Variants in LRMDA observed in about 807,000 individuals in gnomAD.
LRMDA encodes leucine-rich melanocyte differentiation-associated protein.
In LRMDA, 18 loss-of-function variants were observed where a neutral mutation model predicts 29.8. The observed-to-expected ratio is 0.60, with a 90% CI of 0.42 to 0.90. LRMDA has a LOEUF of 0.90. Among genes scored for constraint, LRMDA ranks in the 40% least tolerant of loss-of-function variants. LRMDA has a pLI of 0.00. For synonymous variants in LRMDA, 125 were observed against 109.4 expected, an observed-to-expected ratio of 1.14 and a Z score of -0.89; for missense variants, 273 against 273.9, an observed-to-expected ratio of 1.00 and a Z score of 0.02.
At chr10:76,261,512 CA>C (rs1839943810) in intron 5 of LRMDA, among the ~76,000 whole-genome samples, 3 of 152,000 alleles carry the variant, frequency 2.0e-5, no homozygotes, top group Admixed American at 2.0e-4. Context: ...CTAGTTGTTA[CA>C]AAATGAACAG....
intron 6 of LRMDA, among the ~76,000 whole-genome samples, chr10:76,327,714 G>A (rs1233536127): frequency 6.6e-6 from 1 of 152,166 alleles, no homozygotes; most frequent in African/African-American, 2.4e-5. Context: ...TAACTTGATT[G>A]CATGTGAGAA....
At chr10:76,447,970 G>A (rs529496789) in intron 6 of LRMDA, among the ~76,000 whole-genome samples, 2 of 152,236 alleles carry the variant, frequency 1.3e-5, no homozygotes, top group Admixed American at 1.3e-4. Flanking sequence ...ATTGCTTTTT[G>A]TGGTGTAGCA....
chr10:76,434,501 A>C (rs1214946986), intron 6 of LRMDA, among the ~76,000 whole-genome samples: 1 of 152,162 alleles, frequency 6.6e-6, no homozygotes, highest in East Asian at 1.9e-4. Context: ...AGAATGTGTC[A>C]CAAACTGGAT....
At position 76,014,094 on chromosome 10, in the gene LRMDA, T is replaced by TAA. The variant is rs5786208; in HGVS notation, c.132-21904_132-21903dup. Among the ~76,000 whole-genome samples, 105 of 105,170 alleles carry TAA rather than the reference T, an allele frequency of 1.0e-3. 1 individual carries two copies. Among genetic ancestry groups the TAA allele is most frequent in the African/African-American group, 3.5e-3 (96 of 27,192 alleles). The allele number at this position is 105,170 out of a possible 152,430, so 69.0% of individuals were successfully genotyped here. A position where few individuals can be genotyped will look rare whatever the true frequency, so the allele number is the denominator to read the frequency against. Reference sequence around the variant, plus strand: ...CCCAATATGGTCTGCTGTTTCTGTTTAAAAAAAAAAAGTATATATATATAT... The same window carrying TAA: ...CCCAATATGGTCTGCTGTTTCTGTTTAAAAAAAAAAAAAGTATATATATATAT... On this transcript the variant is annotated intron_variant, in intron 2 of 6. Coordinates refer to ENST00000611255, the MANE Select transcript of LRMDA (RefSeq NM_001305581.2).
chr10:76,040,523 T>C (rs911071887), intron 3 of LRMDA, among the ~76,000 whole-genome samples: 2 of 152,060 alleles, frequency 1.3e-5, no homozygotes, highest in African/African-American at 2.4e-5. Flanking sequence ...ACTGGCCAGG[T>C]AGTCACTGGC....
At chr10:75,442,827 G>T (rs190740930) in intron 2 of LRMDA, among the ~76,000 whole-genome samples, 2 of 151,918 alleles carry the variant, frequency 1.3e-5, no homozygotes, top group East Asian at 1.9e-4. Context: ...ACTGTTGATT[G>T]CTTTAGGTCA....
intron 2 of LRMDA, among the ~76,000 whole-genome samples, chr10:75,726,449 G>T (rs1449664462): frequency 6.6e-6 from 1 of 152,186 alleles, no homozygotes; most frequent in Non-Finnish European, 1.5e-5. Flanking sequence ...GATTATTGTT[G>T]ACTTTATGGT....
At position 75,593,095 on chromosome 10, in the gene LRMDA, C is replaced by A. The variant is rs575175048; in HGVS notation, c.131+154601C>A. Among the ~76,000 whole-genome samples, 14 of 152,246 alleles carry A rather than the reference C, an allele frequency of 9.2e-5. No homozygotes were observed. The East Asian group carries it at 9.7e-4, about 10-fold the overall frequency. On this transcript the variant is annotated intron_variant, in intron 2 of 6. Coordinates refer to ENST00000611255, the MANE Select transcript of LRMDA (RefSeq NM_001305581.2). ...TGTCAAAAAACGGAATGATGTCATG[C>A]GGAAAAGAGTCAACCTGGGGGCAGC...
chr10:75,626,199 G>A (rs969874703), intron 2 of LRMDA, among the ~76,000 whole-genome samples: 4 of 151,940 alleles, frequency 2.6e-5, no homozygotes, highest in Admixed American at 6.6e-5. Context: ...CCACCTACCC[G>A]TGGCACAGAC....
intron 2 of LRMDA, among the ~76,000 whole-genome samples, chr10:75,507,085 G>A (rs1281624618): frequency 6.6e-6 from 1 of 151,672 alleles, no homozygotes; most frequent in Non-Finnish European, 1.5e-5. Flanking sequence ...TTGCTCAGCA[G>A]TGTACAAGCC....
At chr10:75,709,785 T>C (rs1478152501) in intron 2 of LRMDA, among the ~76,000 whole-genome samples, 1 of 152,152 alleles carries the variant, frequency 6.6e-6, no homozygotes, top group Non-Finnish European at 1.5e-5. Context: ...TGCTCTGCAG[T>C]TGGAAAGTTC....
chr10:75,846,594 T>G (rs1410678832), intron 2 of LRMDA, among the ~76,000 whole-genome samples: 2 of 152,236 alleles, frequency 1.3e-5, no homozygotes, highest in African/African-American at 4.8e-5. Context: ...AATTCATTTT[T>G]CATTAAGTCT....
intron 2 of LRMDA, among the ~76,000 whole-genome samples, chr10:75,771,312 C>G (rs1009592358): frequency 6.6e-6 from 1 of 151,866 alleles, no homozygotes; most frequent in African/African-American, 2.4e-5. Context: ...ATCCATTTAG[C>G]CAAGAGTTCT....
intron 2 of LRMDA, among the ~76,000 whole-genome samples, chr10:75,754,928 A>G (rs1241457783): frequency 6.6e-6 from 1 of 152,118 alleles, no homozygotes; most frequent in East Asian, 1.9e-4. Context: ...TGGATTTCCT[A>G]TGGAAAACAG....
chr10:75,767,818 T>C (rs1843188843), intron 2 of LRMDA, among the ~76,000 whole-genome samples: 2 of 152,172 alleles, frequency 1.3e-5, no homozygotes, highest in Non-Finnish European at 1.5e-5. Flanking sequence ...AAGTTAACGA[T>C]CTTGGGCTGG....
intron 2 of LRMDA, among the ~76,000 whole-genome samples, chr10:75,574,884 G>A (rs754644042): frequency 6.6e-5 from 10 of 152,058 alleles, no homozygotes; most frequent in South Asian, 2.1e-4. Context: ...AAGAAATACC[G>A]GAGACTGGGT....
chr10:75,965,607 A>G (rs1846845399), intron 2 of LRMDA, among the ~76,000 whole-genome samples: 1 of 152,110 alleles, frequency 6.6e-6, no homozygotes, highest in Non-Finnish European at 1.5e-5. Context: ...AAAAAAAACC[A>G]AAACTCTACT....
At chr10:75,490,953 A>C (rs1844979719) in intron 2 of LRMDA, among the ~76,000 whole-genome samples, 1 of 152,052 alleles carries the variant, frequency 6.6e-6, no homozygotes, top group African/African-American at 2.4e-5. Flanking sequence ...TACAATAATA[A>C]TTTTTTCCCC....
chr10:75,730,323 A>G (rs1020783403), intron 2 of LRMDA, among the ~76,000 whole-genome samples: 2 of 147,658 alleles, frequency 1.4e-5, no homozygotes, highest in African/African-American at 2.7e-5. Context: ...TCTCAAATAT[A>G]TCTCAACACA....
Sources: allele counts gnomAD v4.1 joint callset (sites outside exome capture counted in the v4.1 genomes callset), GRCh38; gene constraint gnomAD v4.1.1; transcripts MANE v1.5; gene names NCBI Gene and HGNC (gene_info 2026-07-23, HGNC 2026-07-21).